Variants in USP37 observed in about 807,000 individuals in gnomAD.
USP37 encodes ubiquitin carboxyl-terminal hydrolase 37.
A neutral mutation model predicts 124.0 loss-of-function variants in USP37; 27 were observed. That is an observed-to-expected ratio of 0.22 (90% CI 0.16 to 0.30). The LOEUF (loss-of-function observed/expected upper bound fraction) is 0.30, where lower values mean the gene tolerates loss of function less well. Among genes scored for constraint, USP37 ranks in the 10% least tolerant of loss-of-function variants. The pLI is 1.00. For missense variants in USP37, 889 were observed against 1,140.4 expected, an observed-to-expected ratio of 0.78 and a Z score of 3.17; for synonymous variants, 365 against 388.0, an observed-to-expected ratio of 0.94 and a Z score of 0.70.
At chr2:218,508,156 T>C (rs1689777633) in intron 11 of USP37, among the ~76,000 whole-genome samples, 3 of 152,214 alleles carry the variant, frequency 2.0e-5, no homozygotes, top group Non-Finnish European at 2.9e-5. Context: ...AGATTATGTG[T>C]GCTTTTCTTT....
intron 13 of USP37, among the ~76,000 whole-genome samples, chr2:218,496,426 T>G (rs1234780790): frequency 6.6e-6 from 1 of 152,234 alleles, no homozygotes; most frequent in African/African-American, 2.4e-5. Flanking sequence ...TTTATTCTTA[T>G]AAGAATTTGG....
At chr2:218,565,390 A>G (rs1693539508) in intron 1 of USP37, among the ~76,000 whole-genome samples, 1 of 152,236 alleles carries the variant, frequency 6.6e-6, no homozygotes, top group Non-Finnish European at 1.5e-5. Flanking sequence ...AAAGACCTAT[A>G]AAACAAATGG....
intron 24 of USP37, among the ~76,000 whole-genome samples, chr2:218,456,701 C>T (rs1319098822): frequency 6.6e-6 from 1 of 151,408 alleles, no homozygotes; most frequent in East Asian, 2.0e-4. Context: ...TGGGCATGGT[C>T]GCTCACGTCT....
chr2:218,498,809 T>C (rs534577533), intron 11 of USP37, among the ~76,000 whole-genome samples: 1 of 152,306 alleles, frequency 6.6e-6, no homozygotes, highest in South Asian at 2.1e-4. Flanking sequence ...ATGCTAAACA[T>C]GACTGGGGGC....
intron 18 of USP37, among the ~76,000 whole-genome samples, chr2:218,478,884 G>C (rs1180606523): frequency 6.6e-6 from 1 of 152,046 alleles, no homozygotes; most frequent in Non-Finnish European, 1.5e-5. Context: ...TAATTAACAG[G>C]AGGAAAAGAA....
chr2:218,514,744 C>T (rs368330917), intron 10 of USP37, among the ~76,000 whole-genome samples: 1 of 152,190 alleles, frequency 6.6e-6, no homozygotes, highest in African/African-American at 2.4e-5. Flanking sequence ...ATTTTGACTG[C>T]AATTATTACT....
intron 11 of USP37, among the ~76,000 whole-genome samples, chr2:218,504,425 A>G (rs1327202785): frequency 6.6e-6 from 1 of 152,082 alleles, no homozygotes; most frequent in Non-Finnish European, 1.5e-5. Flanking sequence ...TAGCCTGTCC[A>G]TTTTATTATT....
At chr2:218,532,010 A>G (rs916591792) in intron 9 of USP37, among the ~76,000 whole-genome samples, 1 of 152,246 alleles carries the variant, frequency 6.6e-6, no homozygotes, top group Non-Finnish European at 1.5e-5. Context: ...TAGGATTTAG[A>G]ATATTACATA....
At chr2:218,549,135 T>C (rs1269655481) in intron 6 of USP37, among the ~76,000 whole-genome samples, 2 of 152,202 alleles carry the variant, frequency 1.3e-5, no homozygotes, top group Admixed American at 1.3e-4. Flanking sequence ...ACTATGTTGA[T>C]TATGATGACG....
chr2:218,522,540 G>A (rs1249496358), intron 10 of USP37, among the ~76,000 whole-genome samples: 2 of 146,306 alleles, frequency 1.4e-5, no homozygotes, highest in Admixed American at 1.4e-4. Flanking sequence ...TCCAGCCTAG[G>A]TGACAGAGGC....
chr2:218,544,966 C>A (rs630858), intron 8 of USP37, among the ~76,000 whole-genome samples: 100,779 of 151,970 alleles, frequency 0.66, 33,860 homozygotes, highest in East Asian at 0.9. Flanking sequence ...TTTAGACCTT[C>A]TAGAGAAGAC....
chr2:218,478,466 A>G (rs1235761375), intron 18 of USP37, among the ~76,000 whole-genome samples: 1 of 152,190 alleles, frequency 6.6e-6, no homozygotes, highest in Non-Finnish European at 1.5e-5. Context: ...AGAAGAATCA[A>G]TGGTATTCTG....
At chr2:218,511,498 C>T (rs1166099420) in intron 10 of USP37, among the ~76,000 whole-genome samples, 3 of 152,030 alleles carry the variant, frequency 2.0e-5, no homozygotes, top group East Asian at 3.9e-4. Flanking sequence ...TTAGTAGAAA[C>T]GGGGTTTCAC....
Position 218,486,479 on chromosome 2 carries a change from G to C in USP37, c.1591-736C>G, listed in dbSNP as rs1228338493. Reference sequence around the variant, plus strand: ...CACCCAGGCAACTGGGTGGGAGGGAGGGGCGTGATCTCAGCTCACTGCAAC... The same window carrying C: ...CACCCAGGCAACTGGGTGGGAGGGACGGGCGTGATCTCAGCTCACTGCAAC... On this transcript the variant is annotated intron_variant, in intron 15 of 25. Transcript: ENST00000258399. The C allele has an allele frequency of 2.6e-5, 4 of 152,232 alleles. No homozygotes were observed. The East Asian group carries it at 5.8e-4, about 22-fold the overall frequency. 9.4% of individuals were successfully genotyped at this position (152,232 alleles called of 1,614,324 possible).
chr2:218,551,947 C>A (rs1341120746), intron 5 of USP37, among the ~76,000 whole-genome samples: 1 of 152,098 alleles, frequency 6.6e-6, no homozygotes, highest in African/African-American at 2.4e-5. Context: ...CACTCGCCAC[C>A]ATGCCTGGCT....
intron 11 of USP37, among the ~76,000 whole-genome samples, chr2:218,499,290 C>CA (rs1181992229): frequency 1.6e-3 from 157 of 96,530 alleles, no homozygotes; most frequent in Admixed American, 6.1e-3. Flanking sequence ...AAACAAAAAA[C>CA]AACAAAAAAA....
intron 5 of USP37, among the ~76,000 whole-genome samples, chr2:218,552,164 T>C (rs1028855530): frequency 2.0e-5 from 3 of 152,194 alleles, no homozygotes; most frequent in African/African-American, 7.2e-5. Context: ...GAACATATAA[T>C]GAGTAGGTAC....
At chr2:218,496,049 T>TG in intron 13 of USP37, 99 bp from the exon 14 acceptor site, 3 of 1,215,820 alleles carry the variant, frequency 2.5e-6, no homozygotes, top group Non-Finnish European at 3.4e-6. Flanking sequence ...ATTCCAGCAC[T>TG]CTGGAAGGCT....
At chr2:218,477,282 G>A (rs553543679) in intron 18 of USP37, among the ~76,000 whole-genome samples, 1 of 152,220 alleles carries the variant, frequency 6.6e-6, no homozygotes, top group African/African-American at 2.4e-5. Flanking sequence ...TTATGCTATT[G>A]AATTCATGCA....
Sources: gnomAD v4.1 joint callset for allele counts (sites outside exome capture counted in the v4.1 genomes callset) on GRCh38, gnomAD v4.1.1 for gene constraint, MANE v1.5 for transcripts, NCBI Gene and HGNC (gene_info 2026-07-23, HGNC 2026-07-21) for gene names.